Variants in SGCD observed in about 807,000 individuals in gnomAD.
The protein encoded by SGCD is delta-sarcoglycan.
A neutral mutation model predicts 36.6 loss-of-function variants in SGCD; 18 were observed. The observed-to-expected ratio is 0.49, with a 90% confidence interval of 0.34 to 0.73. The LOEUF (loss-of-function observed/expected upper bound fraction) is 0.73, where lower values mean the gene tolerates loss of function less well. SGCD is among the 30% of genes least tolerant of loss of function. The pLI is 0.01. For synonymous variants in SGCD, 133 were observed against 130.6 expected (o/e 1.02, Z -0.12); for missense variants, 387 against 346.7 (o/e 1.12, Z -0.92).
the SGCD span, among the ~76,000 whole-genome samples, chr5:155,772,232 C>T: frequency 2.0e-5 from 3 of 152,166 alleles, no homozygotes; most frequent in Admixed American, 6.5e-5. Flanking sequence ...GGCGCTGTTT[C>T]TCAGGGGAGG....
intron 7 of SGCD, among the ~76,000 whole-genome samples, chr5:156,676,939 G>T (rs1040308281): frequency 1.3e-5 from 2 of 152,162 alleles, no homozygotes; most frequent in African/African-American, 2.4e-5. Context: ...TCTAGCCAGG[G>T]AGACCTTAAA....
intron 3 of SGCD, among the ~76,000 whole-genome samples, chr5:156,292,765 A>G (rs1456724790): frequency 6.6e-6 from 1 of 151,938 alleles, no homozygotes; most frequent in Non-Finnish European, 1.5e-5. Flanking sequence ...AACACTAATT[A>G]TTTTCTCTTT....
At chr5:156,298,073 A>G (rs1467378500) in intron 3 of SGCD, among the ~76,000 whole-genome samples, 3 of 151,944 alleles carry the variant, frequency 2.0e-5, no homozygotes, top group South Asian at 4.1e-4. Flanking sequence ...ACTTAATGTA[A>G]TATCCTCCAG....
chr5:156,041,588 T>C (rs1759635522), intron 1 of SGCD, among the ~76,000 whole-genome samples: 2 of 152,214 alleles, frequency 1.3e-5, no homozygotes, highest in African/African-American at 4.8e-5. Context: ...AACCATTTAT[T>C]GAGTACCTAT....
At chr5:156,539,879 G>A (rs1037675127) in intron 4 of SGCD, among the ~76,000 whole-genome samples, 1 of 151,558 alleles carries the variant, frequency 6.6e-6, no homozygotes, top group African/African-American at 2.4e-5. Flanking sequence ...ATGGTCTTTG[G>A]AACCAGATAG....
At chr5:155,984,924 T>A (rs1758299370) in intron 1 of SGCD, among the ~76,000 whole-genome samples, 1 of 152,230 alleles carries the variant, frequency 6.6e-6, no homozygotes, top group South Asian at 2.1e-4. Flanking sequence ...GCAGATCCTG[T>A]TTTTGCTCAT....
intron 1 of SGCD, among the ~76,000 whole-genome samples, chr5:156,022,434 T>A (rs1264815693): frequency 6.6e-6 from 1 of 152,226 alleles, no homozygotes; most frequent in Non-Finnish European, 1.5e-5. Flanking sequence ...AATGTTCAAA[T>A]GTGACTTCTA....
the SGCD span, among the ~76,000 whole-genome samples, chr5:155,826,737 G>A: frequency 0.79 from 119,816 of 152,048 alleles, 47,608 homozygotes; most frequent in East Asian, 0.91. Flanking sequence ...TCCCTCAACT[G>A]TAGTGCAGTT....
the SGCD span, among the ~76,000 whole-genome samples, chr5:155,751,508 T>C: frequency 6.6e-6 from 1 of 152,050 alleles, no homozygotes; most frequent in Non-Finnish European, 1.5e-5. Flanking sequence ...CAGCTGAGCC[T>C]CCCCAGTGGC....
intron 6 of SGCD, among the ~76,000 whole-genome samples, chr5:156,629,874 TTTTTTA>T (rs1762569151): frequency 6.8e-6 from 1 of 147,256 alleles, no homozygotes; most frequent in Non-Finnish European, 1.5e-5. Context: ...TTTTTTTTTT[TTTTTTA>T]GATGGAGTTT....
At chr5:156,019,878 TTTAAAGCCCTGTGCTGTGGCC>T (rs1331901834) in intron 1 of SGCD, among the ~76,000 whole-genome samples, 1 of 152,224 alleles carries the variant, frequency 6.6e-6, no homozygotes, top group East Asian at 1.9e-4. Context: ...AGAGTTAGCA[TTTAAAGCCCTGTGCTGTGGCC>T]TAACTCATGT....
At position 156,444,376 on chromosome 5, in the gene SGCD, G is replaced by A. The variant is rs528940694; in HGVS notation, c.193-64225G>A. ...TATTTCTATCCTTTGGGATAGACAC[G>A]GTGCCTCTGCTAAAATGCTTAGCTT... is the stretch of plus-strand genomic sequence containing the variant. On this transcript the variant is annotated intron_variant, in intron 3 of 8. Transcript: ENST00000337851. Among the ~76,000 whole-genome samples the A allele has an allele frequency of 3.2e-4, 49 of 151,940 alleles. 1 individual carries two copies. The highest frequency in any genetic ancestry group is 1.2e-4 in the Non-Finnish European group (8 of 67,964).
At chr5:155,920,522 C>A (rs1756854337) in intron 1 of SGCD, among the ~76,000 whole-genome samples, 1 of 152,014 alleles carries the variant, frequency 6.6e-6, no homozygotes, top group South Asian at 2.1e-4. Context: ...CTCAAGGAGA[C>A]AATCCTATAG....
At chr5:155,771,417 T>G in the SGCD span, among the ~76,000 whole-genome samples, 1 of 150,846 alleles carries the variant, frequency 6.6e-6, no homozygotes, top group African/African-American at 2.5e-5. Flanking sequence ...CCTGGCTAAT[T>G]TTTTAATTTT....
chr5:155,927,152 G>A (rs898238058), intron 1 of SGCD, among the ~76,000 whole-genome samples: 1 of 152,262 alleles, frequency 6.6e-6, no homozygotes, highest in Non-Finnish European at 1.5e-5. Flanking sequence ...AAATAGAAAT[G>A]TTATAGTATC....
intron 1 of SGCD, among the ~76,000 whole-genome samples, chr5:156,105,907 T>A (rs1214952533): frequency 2.0e-5 from 3 of 151,322 alleles, no homozygotes; most frequent in Non-Finnish European, 4.4e-5. Context: ...GATCAGGAGT[T>A]CAAGACCTGC....
chr5:155,753,817 T>C, the SGCD span, among the ~76,000 whole-genome samples: 1 of 151,964 alleles, frequency 6.6e-6, no homozygotes, highest in Non-Finnish European at 1.5e-5. Context: ...GGATACACAT[T>C]GATATGCATG....
chr5:156,193,300 C>T (rs966514258), intron 3 of SGCD, among the ~76,000 whole-genome samples: 5 of 152,266 alleles, frequency 3.3e-5, no homozygotes, highest in African/African-American at 7.2e-5. Context: ...TACAGGAACG[C>T]GTGCTTTTTC....
intron 1 of SGCD, among the ~76,000 whole-genome samples, chr5:155,909,310 A>G (rs1353431517): frequency 2.0e-5 from 3 of 152,166 alleles, no homozygotes; most frequent in Non-Finnish European, 4.4e-5. Context: ...TGCTTAATAA[A>G]TATTTCGAAG....
Sources: allele counts gnomAD v4.1 joint callset (sites outside exome capture counted in the v4.1 genomes callset), GRCh38; gene constraint gnomAD v4.1.1; transcripts MANE v1.5; gene names NCBI Gene and HGNC (gene_info 2026-07-23, HGNC 2026-07-21).